Variants in FHIT observed in about 807,000 individuals in gnomAD.
FHIT encodes fragile histidine triad diadenosine triphosphatase.
Under a neutral mutation model 17.9 loss-of-function variants are expected in FHIT, and 19 were observed. The ratio of observed to expected loss-of-function variants is 1.06; its 90% CI spans 0.74 to 1.56. The LOEUF (loss-of-function observed/expected upper bound fraction) is 1.56, where lower values mean the gene tolerates loss of function less well. Ranked by LOEUF, FHIT falls within the 40% of genes most tolerant of loss-of-function variation. FHIT has a pLI of 0.00. For missense variants in FHIT, 248 were observed against 189.2 expected, an observed-to-expected ratio of 1.31 and a Z score of -1.82; for synonymous variants, 81 against 69.7, an observed-to-expected ratio of 1.16 and a Z score of -0.81.
At chr3:60,701,969 T>G (rs1276484288) in intron 4 of FHIT, among the ~76,000 whole-genome samples, 1 of 152,228 alleles carries the variant, frequency 6.6e-6, no homozygotes, top group Non-Finnish European at 1.5e-5. Flanking sequence ...TCTCTTTCAC[T>G]GTCATAATTT....
At chr3:60,702,795 T>C (rs1415921796) in intron 4 of FHIT, among the ~76,000 whole-genome samples, 2 of 152,182 alleles carry the variant, frequency 1.3e-5, no homozygotes, top group South Asian at 2.1e-4. Context: ...TCTTCCTGAT[T>C]TAATATGAGT....
At position 59,903,384 on chromosome 3, in the gene FHIT, T is replaced by C. The variant is rs1704425136; in HGVS notation, c.348+18962A>G. 2.0e-5 allele frequency among the ~76,000 whole-genome samples: 3 copies of C among 152,222 alleles called. No individual in the cohort carries two copies. The South Asian group carries it at 6.2e-4, about 32-fold the overall frequency. On this transcript the variant is annotated intron_variant, in intron 8 of 9. Coordinates refer to ENST00000492590, the MANE Select transcript of FHIT (RefSeq NM_002012.4). ...AGTGACAGTTACACAACTCTGAATA[T>C]ACCTGAAATCACTGAATTGTACATT...
intron 5 of FHIT, among the ~76,000 whole-genome samples, chr3:60,085,399 C>G (rs190729547): frequency 1.9e-4 from 29 of 152,190 alleles, no homozygotes; most frequent in Non-Finnish European, 2.6e-4. Context: ...TATATCTTCC[C>G]TTTTCACTGA....
At chr3:60,520,217 C>CT (rs568207260) in intron 5 of FHIT, among the ~76,000 whole-genome samples, 12 of 151,882 alleles carry the variant, frequency 7.9e-5, no homozygotes, top group South Asian at 4.2e-4. Flanking sequence ...TACATTTATT[C>CT]TTTTTTTAGA....
intron 5 of FHIT, among the ~76,000 whole-genome samples, chr3:60,376,862 G>T (rs780349383): frequency 1.3e-5 from 2 of 152,100 alleles, no homozygotes; most frequent in Non-Finnish European, 2.9e-5. Flanking sequence ...ATTGGAAATG[G>T]TGGCATAGAG....
intron 7 of FHIT, among the ~76,000 whole-genome samples, chr3:59,944,952 T>C (rs1706726626): frequency 6.6e-6 from 1 of 152,226 alleles, no homozygotes; most frequent in African/African-American, 2.4e-5. Flanking sequence ...GTTGATTATA[T>C]GCCTTTGCTA....
intron 5 of FHIT, among the ~76,000 whole-genome samples, chr3:60,455,361 C>T (rs2032023525): frequency 6.6e-6 from 1 of 152,180 alleles, no homozygotes. Context: ...CATTGAGCTT[C>T]AGCTCAGCAA....
chr3:60,251,504 C>T (rs1018306215), intron 5 of FHIT, among the ~76,000 whole-genome samples: 1 of 152,168 alleles, frequency 6.6e-6, no homozygotes, highest in Admixed American at 6.5e-5. Flanking sequence ...AGTGAAAAAA[C>T]TAAAATTTGA....
chr3:61,187,255 C>A (rs1049550927), intron 2 of FHIT, among the ~76,000 whole-genome samples: 1 of 152,130 alleles, frequency 6.6e-6, no homozygotes, highest in Non-Finnish European at 1.5e-5. Flanking sequence ...AGATTAGGTA[C>A]ATATGCAAAG....
intron 5 of FHIT, among the ~76,000 whole-genome samples, chr3:60,359,793 T>C (rs34687640): frequency 0.12 from 18,121 of 152,036 alleles, 1,377 homozygotes; most frequent in Non-Finnish European, 0.17. Context: ...CCTAAAAGCA[T>C]AACAGCATCA....
chr3:60,124,005 TATATAGAGAGAGAG>T (rs1705402418), intron 5 of FHIT, among the ~76,000 whole-genome samples: 5 of 20,920 alleles, frequency 2.4e-4, no homozygotes, highest in African/African-American at 1.0e-3. Flanking sequence ...TATATATATA[TATATAGAGAGAGAG>T]AGAGAGAGAG....
At chr3:60,595,096 A>G (rs151101341) in intron 4 of FHIT, among the ~76,000 whole-genome samples, 10 of 152,254 alleles carry the variant, frequency 6.6e-5, no homozygotes, top group Admixed American at 1.3e-4. Context: ...GACAGGATAT[A>G]AAGAAGCAAC....
chr3:60,930,236 A>C lies in FHIT; in HGVS notation c.-110-108225T>G, dbSNP rs547355068. ...TAATTCAAGATGGATTAAAGACTTA[A>C]ATGTTAGACCTAAAACCATAAAAAC... On this transcript the variant is annotated intron_variant, in intron 3 of 9. Transcript: ENST00000492590. Among the ~76,000 whole-genome samples, 29 of 152,290 alleles carry C rather than the reference A, an allele frequency of 1.9e-4. 1 individual carries two copies. Among genetic ancestry groups the C allele is most frequent in the African/African-American group, 7.0e-4 (29 of 41,548 alleles).
intron 4 of FHIT, among the ~76,000 whole-genome samples, chr3:60,554,190 C>T (rs905761699): frequency 4.0e-5 from 6 of 151,532 alleles, no homozygotes; most frequent in African/African-American, 1.5e-4. Flanking sequence ...ACTTCTCAGT[C>T]TGATGGAGGC....
At chr3:60,770,535 G>GT (rs1553722784) in intron 4 of FHIT, among the ~76,000 whole-genome samples, 3 of 152,186 alleles carry the variant, frequency 2.0e-5, no homozygotes, top group Non-Finnish European at 4.4e-5. Context: ...AACAGGCTAT[G>GT]TGTGGACATT....
At chr3:61,170,777 T>C (rs1025419711) in intron 2 of FHIT, among the ~76,000 whole-genome samples, 14 of 152,230 alleles carry the variant, frequency 9.2e-5, no homozygotes, top group African/African-American at 3.1e-4. Flanking sequence ...CTATCATTGA[T>C]AGGCATTTAG....
At chr3:60,248,611 G>A (rs1283688703) in intron 5 of FHIT, among the ~76,000 whole-genome samples, 3 of 152,040 alleles carry the variant, frequency 2.0e-5, no homozygotes, top group African/African-American at 7.2e-5. Context: ...TTGTCAGGAG[G>A]GAGTAAGAAA....
At chr3:61,043,881 C>G (rs995272675) in intron 2 of FHIT, among the ~76,000 whole-genome samples, 1 of 152,252 alleles carries the variant, frequency 6.6e-6, no homozygotes, top group African/African-American at 2.4e-5. Flanking sequence ...TGGAGTGGAC[C>G]TCCAGCAAAC....
chr3:59,984,619 T>C (rs1708811431), intron 7 of FHIT, among the ~76,000 whole-genome samples: 1 of 151,994 alleles, frequency 6.6e-6, no homozygotes, highest in Non-Finnish European at 1.5e-5. Context: ...TTAGCACATA[T>C]GAGAAGGGTG....
Sources: gnomAD v4.1 joint callset for allele counts (sites outside exome capture counted in the v4.1 genomes callset) on GRCh38, gnomAD v4.1.1 for gene constraint, MANE v1.5 for transcripts, NCBI Gene and HGNC (gene_info 2026-07-23, HGNC 2026-07-21) for gene names.